KDM5A: variants seen among roughly 807,000 people sequenced by gnomAD.
KDM5A encodes the protein lysine demethylase 5A.
KDM5A carries 42 observed loss-of-function variants against 193.5 expected under a neutral mutation model. The ratio of observed to expected loss-of-function variants is 0.22; its 90% CI spans 0.17 to 0.28. The LOEUF (loss-of-function observed/expected upper bound fraction) is 0.28, where lower values mean the gene tolerates loss of function less well. Ranked by LOEUF, KDM5A falls within the 10% of genes least tolerant of loss-of-function variation. KDM5A has a pLI of 1.00. For missense variants in KDM5A, 1,692 were observed against 2,055.1 expected, an observed-to-expected ratio of 0.82 and a Z score of 3.42; for synonymous variants, 796 against 718.1, an observed-to-expected ratio of 1.11 and a Z score of -1.73.
intron 24 of KDM5A, among the ~76,000 whole-genome samples, chr12:299,566 A>G (rs542537551): frequency 6.6e-6 from 1 of 152,324 alleles, no homozygotes; most frequent in East Asian, 1.9e-4. Context: ...ATGGAAAGGA[A>G]CAATCGGTAC....
chr12:320,962 G>C (rs1213735115), intron 18 of KDM5A, 33 bp downstream of exon 18: 1 of 1,393,446 alleles, frequency 7.2e-7, no homozygotes, highest in Admixed American at 1.7e-5. Context: ...TGTCACAAAG[G>C]ACATTACCCA....
Position 389,165 on chromosome 12 carries a change from C to T in KDM5A, c.-74G>A, listed in dbSNP as rs1232184271. 2.2e-6 allele frequency: 3 copies of T among 1,390,642 alleles called. No homozygotes were observed. In the Admixed American group the frequency reaches 5.1e-5, roughly 23 times the overall value. 86.1% of individuals were successfully genotyped at this position (1,390,642 alleles called of 1,614,324 possible). ...AAAGCTGGCTGAAGCCCACTAAGCC[C>T]GTTCAAGTCCCCTGACAGAGGCCGA... On this transcript the variant is annotated 5_prime_UTR_variant, in exon 1 of 28. Coordinates refer to ENST00000399788, the MANE Select transcript of KDM5A (RefSeq NM_001042603.3).
At chr12:313,698 A>C (rs1943617219) in intron 19 of KDM5A, among the ~76,000 whole-genome samples, 1 of 152,248 alleles carries the variant, frequency 6.6e-6, no homozygotes, top group African/African-American at 2.4e-5. Context: ...AGATGAATAA[A>C]GCATAGACCT....
In KDM5A at chr12:332,015, T is replaced by C. The variant is rs1943872165; in HGVS notation, c.1654-77A>G. 5 of 1,329,606 alleles carry C rather than the reference T, an allele frequency of 3.8e-6. No homozygotes were observed. The Admixed American group carries it at 9.6e-5, about 25-fold the overall frequency. The allele number at this position is 1,329,606 out of a possible 1,614,324, so 82.4% of individuals were successfully genotyped here. A position where few individuals can be genotyped will look rare whatever the true frequency, so the allele number is the denominator to read the frequency against. On this transcript the variant is annotated intron_variant, in intron 12 of 27. Transcript: ENST00000399788. ...ACAGAGGAAGACAGATTTTATTAGATAATTTCAGATGCATTTTCTAAAACT... is the reference window on the plus strand; with the variant it reads ...ACAGAGGAAGACAGATTTTATTAGACAATTTCAGATGCATTTTCTAAAACT...
chr12:291,338 G>A (rs1003129042), intron 27 of KDM5A, among the ~76,000 whole-genome samples: 1 of 152,164 alleles, frequency 6.6e-6, no homozygotes, highest in South Asian at 2.1e-4. Context: ...ATTTAAATAT[G>A]TGTCATTTAG....
Position 307,189 on chromosome 12 carries a change from G to A in KDM5A, c.3931-100C>T. On this transcript the variant is annotated intron_variant, in intron 23 of 27. Transcript: ENST00000399788. This position sits in a 1 kb window ranked among gnomAD's most constrained non-coding sequence, Gnocchi z 4.3. Reference sequence around the variant, plus strand: ...CACCAAAATGTAATGAATAAGCAAAGTGGCTAACAGAGTTCTTCAACAGTT... The same window carrying A: ...CACCAAAATGTAATGAATAAGCAAAATGGCTAACAGAGTTCTTCAACAGTT... The A allele has an allele frequency of 7.2e-7, 1 of 1,380,726 alleles. No homozygotes were observed. Among genetic ancestry groups the A allele is most frequent in the Non-Finnish European group, 1.0e-6 (1 of 978,358 alleles). 85.5% of individuals were successfully genotyped at this position (1,380,726 alleles called of 1,614,324 possible).
intron 27 of KDM5A, among the ~76,000 whole-genome samples, chr12:289,907 C>CTTTTTTTTTTTTTTTTTTTTTTTTTTTT (rs750918968): frequency 4.0e-5 from 4 of 99,644 alleles, no homozygotes; most frequent in Admixed American, 1.1e-4. Flanking sequence ...TTCTTTCTTT[C>CTTTTTTTTTTTTTTTTTTTTTTTTTTTT]TTTTTTTTTT....
rs138365933 is a variant in KDM5A at position 327,639 on chromosome 12, C to T, written c.1968+1196G>A. 1.5e-3 allele frequency among the ~76,000 whole-genome samples: 224 copies of T among 152,198 alleles called. 1 individual carries two copies. Among genetic ancestry groups the T allele is most frequent in the African/African-American group, 4.8e-3 (200 of 41,520 alleles). ...CAGGAGAATCGCTGAACCTGGGAGGCGGAGGTTGCAGTGAGCCAAGATCGT... is the reference window on the plus strand; with the variant it reads ...CAGGAGAATCGCTGAACCTGGGAGGTGGAGGTTGCAGTGAGCCAAGATCGT... On this transcript the variant is annotated intron_variant, in intron 14 of 27. Transcript: ENST00000399788.
chr12:374,613 A>C (rs1944476905), intron 3 of KDM5A, among the ~76,000 whole-genome samples: 1 of 152,192 alleles, frequency 6.6e-6, no homozygotes, highest in Non-Finnish European at 1.5e-5. Context: ...TGATCCTGTC[A>C]TTATGATGTT....
At chr12:313,817 G>A (rs562115611) in intron 19 of KDM5A, among the ~76,000 whole-genome samples, 1 of 152,296 alleles carries the variant, frequency 6.6e-6, no homozygotes, top group East Asian at 1.9e-4. Flanking sequence ...TTCTGCCCAG[G>A]AGAGTTGAGA....
At chr12:384,452 T>C (rs1223372004) in intron 2 of KDM5A, among the ~76,000 whole-genome samples, 2 of 152,158 alleles carry the variant, frequency 1.3e-5, no homozygotes, top group Non-Finnish European at 2.9e-5. Flanking sequence ...CATACCCCCA[T>C]CCATCCATGG....
chr12:356,397 C>T, intron 6 of KDM5A, 35 bp downstream of exon 6: 1 of 1,236,174 alleles, frequency 8.1e-7, no homozygotes, highest in Non-Finnish European at 1.2e-6. Context: ...CATATTCTAC[C>T]TTATCTCTTT....
At chr12:326,989 G>A (rs1302269206) in intron 14 of KDM5A, among the ~76,000 whole-genome samples, 1 of 151,998 alleles carries the variant, frequency 6.6e-6, no homozygotes, top group Non-Finnish European at 1.5e-5. Flanking sequence ...ATAATGAAGG[G>A]ATAAAGAGGA....
At chr12:325,282 A>G in intron 14 of KDM5A, among the ~76,000 whole-genome samples, 1 of 152,234 alleles carries the variant, frequency 6.6e-6, no homozygotes, top group East Asian at 1.9e-4. Flanking sequence ...TTCTCAAGGG[A>G]ATGCTCATGT....
chr12:359,649 G>C (rs1347848583), intron 5 of KDM5A, among the ~76,000 whole-genome samples: 1 of 151,642 alleles, frequency 6.6e-6, no homozygotes, highest in Non-Finnish European at 1.5e-5. Context: ...GGCTGAGGTG[G>C]GAGGATGGCT....
Position 388,993 on chromosome 12 carries a change from G to A in KDM5A, c.99C>T (p.Leu33=), listed in dbSNP as rs375515696. 1.7e-4 allele frequency: 278 copies of A among 1,613,986 alleles called. No homozygotes were observed. The highest frequency in any genetic ancestry group is 2.2e-4 in the Non-Finnish European group (255 of 1,180,022). ...AAGGCCGGATGCGGCCGATAAAGCT[G>A]AGCGGATCTGTGAACTCCTCCCAAC... ...EPSWEEFTDP[L]SFIGRIRPLA... is the part of the protein sequence containing the mutation. The change falls in exon 1 of 28, where the codon CTC becomes CTT. Residue 33 remains leucine (L), a synonymous_variant. Coordinates refer to ENST00000399788, the MANE Select transcript of KDM5A (RefSeq NM_001042603.3).
At chr12:329,111 C>T in intron 13 of KDM5A, 82 bp from the exon 14 acceptor site, 1 of 1,124,006 alleles carries the variant, frequency 8.9e-7, no homozygotes, top group South Asian at 1.3e-5. Flanking sequence ...CAGGTCCTCC[C>T]TTTTATTAGA....
chr12:316,425 T>A lies in KDM5A; in HGVS notation c.2897+1681A>T, dbSNP rs184922321. On this transcript the variant is annotated intron_variant, in intron 19 of 27. Coordinates refer to ENST00000399788, the MANE Select transcript of KDM5A (RefSeq NM_001042603.3). ...CATCAATACTTACCAAACTCAAATA[T>A]CAAGGTAAAATATAAGAGGACTACA... 1.2e-3 allele frequency among the ~76,000 whole-genome samples: 190 copies of A among 152,194 alleles called. 1 individual carries two copies. The highest frequency in any genetic ancestry group is 1.9e-3 in the Non-Finnish European group (132 of 68,012).
At chr12:328,794 T>C (rs775430578) in intron 14 of KDM5A, 41 bp downstream of exon 14, 59 of 1,574,386 alleles carry the variant, frequency 3.7e-5, no homozygotes, top group Non-Finnish European at 5.0e-5. Flanking sequence ...GCATATCCCA[T>C]AAGCAGTATC....
Sources: allele counts gnomAD v4.1 joint callset (sites outside exome capture counted in the v4.1 genomes callset), GRCh38; gene constraint gnomAD v4.1.1; non-coding constraint Gnocchi (gnomAD v3.1); transcripts MANE v1.5; gene names NCBI Gene and HGNC (gene_info 2026-07-23, HGNC 2026-07-21).